Variants in RIMS2 observed in about 807,000 individuals in gnomAD.
RIMS2 encodes the protein regulating synaptic membrane exocytosis protein 2.
RIMS2 carries 59 observed loss-of-function variants against 174.4 expected under a neutral mutation model. The ratio of observed to expected loss-of-function variants is 0.34; its 90% CI spans 0.27 to 0.42. The LOEUF is 0.42. Ranked by LOEUF, RIMS2 falls within the 10% of genes least tolerant of loss-of-function variation. RIMS2 has a pLI of 1.00. For synonymous variants in RIMS2, 606 were observed against 572.5 expected, an observed-to-expected ratio of 1.06 and a Z score of -0.84; for missense variants, 1,620 against 1,666.3, an observed-to-expected ratio of 0.97 and a Z score of 0.48.
At chr8:104,070,453 G>A (rs2097177485) in intron 19 of RIMS2, among the ~76,000 whole-genome samples, 1 of 152,124 alleles carries the variant, frequency 6.6e-6, no homozygotes, top group Non-Finnish European at 1.5e-5. Context: ...AGTAAATTTT[G>A]TAGCAAATAA....
At chr8:103,966,968 T>A (rs2091987582) in intron 15 of RIMS2, among the ~76,000 whole-genome samples, 1 of 151,966 alleles carries the variant, frequency 6.6e-6, no homozygotes, top group Non-Finnish European at 1.5e-5. Flanking sequence ...GCATTGTATG[T>A]TTTAAAAAAT....
At chr8:103,552,447 T>G (rs990136291) in intron 1 of RIMS2, among the ~76,000 whole-genome samples, 2 of 152,126 alleles carry the variant, frequency 1.3e-5, no homozygotes, top group African/African-American at 2.4e-5. Flanking sequence ...CAAAAATTAA[T>G]TCAAGATGGA....
intron 3 of RIMS2, among the ~76,000 whole-genome samples, chr8:103,770,771 A>T (rs912362925): frequency 1.3e-5 from 2 of 151,836 alleles, no homozygotes; most frequent in Non-Finnish European, 2.9e-5. Context: ...GCCAGCTTCT[A>T]TCCTTCTCTT....
intron 17 of RIMS2, among the ~76,000 whole-genome samples, chr8:104,003,677 G>T (rs2095472673): frequency 6.6e-6 from 1 of 152,172 alleles, no homozygotes; most frequent in Admixed American, 6.5e-5. Context: ...GCCTCCCAAA[G>T]CACTGGGATT....
intron 4 of RIMS2, among the ~76,000 whole-genome samples, chr8:103,898,728 T>C (rs887370964): frequency 9.9e-5 from 15 of 151,702 alleles, no homozygotes; most frequent in Middle Eastern, 3.4e-3. Flanking sequence ...GTTTTTATTT[T>C]TTTTTATTAT....
Position 104,156,374 on chromosome 8 carries a change from C to A in RIMS2, c.3335-88542C>A, listed in dbSNP as rs181742350. On this transcript the variant is annotated intron_variant, in intron 19 of 23. Coordinates refer to ENST00000504942, the Ensembl canonical transcript of RIMS2. ...TTCCATTGGCTGCTTAGTCAGAAGG[C>A]TCATACTGGAAAATGGGACATTGGG... 4.3e-3 allele frequency among the ~76,000 whole-genome samples: 656 copies of A among 152,174 alleles called. 6 individuals are homozygous for A. The highest frequency in any genetic ancestry group is 0.013 in the African/African-American group (556 of 41,504).
intron 19 of RIMS2, among the ~76,000 whole-genome samples, chr8:104,070,154 T>C (rs1173039442): frequency 6.6e-6 from 1 of 152,216 alleles, no homozygotes; most frequent in Non-Finnish European, 1.5e-5. Context: ...TATGTACATA[T>C]GTACCAGTTT....
intron 2 of RIMS2, among the ~76,000 whole-genome samples, chr8:103,722,824 A>G (rs1301924520): frequency 1.3e-5 from 2 of 152,094 alleles, no homozygotes; most frequent in Non-Finnish European, 2.9e-5. Flanking sequence ...CTGGGAGAGA[A>G]CTCCTTATGG....
chr8:103,599,578 A>G (rs1013565332), intron 1 of RIMS2, among the ~76,000 whole-genome samples: 1 of 151,480 alleles, frequency 6.6e-6, no homozygotes, highest in Non-Finnish European at 1.5e-5. Context: ...AGCAGGGACT[A>G]TAGCTGCACA....
chr8:103,536,829 G>A (rs1437606864), intron 1 of RIMS2, among the ~76,000 whole-genome samples: 1 of 152,154 alleles, frequency 6.6e-6, no homozygotes, highest in Admixed American at 6.5e-5. Context: ...TGAGATTTAG[G>A]TTGGGACATA....
At chr8:103,510,474 A>G (rs1825911086) in intron 1 of RIMS2, among the ~76,000 whole-genome samples, 1 of 152,140 alleles carries the variant, frequency 6.6e-6, no homozygotes, top group Non-Finnish European at 1.5e-5. Flanking sequence ...TTCTTTCTAG[A>G]AACTAAAGGA....
chr8:104,207,575 GCA>G (rs1234301899), intron 19 of RIMS2, among the ~76,000 whole-genome samples: 4 of 152,016 alleles, frequency 2.6e-5, no homozygotes, highest in Admixed American at 2.6e-4. Context: ...GGAGGCCGAG[GCA>G]GGTGGATCAC....
chr8:103,573,445 C>T (rs764458210), intron 1 of RIMS2, among the ~76,000 whole-genome samples: 23 of 152,240 alleles, frequency 1.5e-4, no homozygotes, highest in East Asian at 1.9e-4. Context: ...TATTGCTAGC[C>T]AGTTTGTTTA....
intron 1 of RIMS2, among the ~76,000 whole-genome samples, chr8:103,604,493 G>T (rs1246676383): frequency 6.6e-6 from 1 of 151,950 alleles, no homozygotes; most frequent in South Asian, 2.1e-4. Flanking sequence ...CTCTTTTTTG[G>T]TTCCATATGA....
Position 103,748,577 on chromosome 8 carries a change from C to T in RIMS2, c.388-17650C>T, listed in dbSNP as rs536814422. Among the ~76,000 whole-genome samples, 7 of 152,234 alleles carry T rather than the reference C, an allele frequency of 4.6e-5. No homozygotes were observed. The South Asian group carries it at 6.2e-4, about 14-fold the overall frequency. Reference sequence around the variant, plus strand: ...TTTAAAAATTTCTTCTCTGCAAGGTCGTTCTGGTGATTTCCATATCACCAA... The same window carrying T: ...TTTAAAAATTTCTTCTCTGCAAGGTTGTTCTGGTGATTTCCATATCACCAA... On this transcript the variant is annotated intron_variant, in intron 2 of 23. Coordinates refer to ENST00000504942, the Ensembl canonical transcript of RIMS2.
intron 2 of RIMS2, among the ~76,000 whole-genome samples, chr8:103,759,389 C>A (rs980191430): frequency 2.0e-5 from 3 of 151,824 alleles, no homozygotes; most frequent in African/African-American, 7.3e-5. Flanking sequence ...CACGGTGAAA[C>A]CCTTTCTCTA....
chr8:103,583,708 ACAGT>A (rs71297218), intron 1 of RIMS2, among the ~76,000 whole-genome samples: 17,787 of 152,214 alleles, frequency 0.12, 1,353 homozygotes, highest in Non-Finnish European at 0.17. Context: ...TTGAAAATAC[ACAGT>A]CAGAGGGGAC....
rs549497608 is a variant in RIMS2 at position 103,978,682 on chromosome 8, A to G, written c.2927+3176A>G. ...CAAATTTGTTCCTTAATGTATAAAG[A>G]GCTTTTAAAGATAGGAAGCAACAAC... On this transcript the variant is annotated intron_variant, in intron 16 of 23. Coordinates refer to ENST00000504942, the Ensembl canonical transcript of RIMS2. Among the ~76,000 whole-genome samples, 6 of 152,362 alleles carry G rather than the reference A, an allele frequency of 3.9e-5. No individual in the cohort carries two copies. In the East Asian group the frequency reaches 1.2e-3, roughly 29 times the overall value.
At chr8:103,858,850 G>A (rs1479142807) in intron 3 of RIMS2, among the ~76,000 whole-genome samples, 2 of 151,850 alleles carry the variant, frequency 1.3e-5, no homozygotes, top group Non-Finnish European at 2.9e-5. Flanking sequence ...TTTCTAGTCT[G>A]AGCCATACAT....
Sources: allele counts gnomAD v4.1 joint callset (sites outside exome capture counted in the v4.1 genomes callset), GRCh38; gene constraint gnomAD v4.1.1; transcripts MANE v1.5; gene names NCBI Gene and HGNC (gene_info 2026-07-23, HGNC 2026-07-21).